The following ZNF48 variants were observed in gnomAD, a reference collection of about 807,000 sequenced individuals.
The protein encoded by ZNF48 is zinc finger protein 48.
A neutral mutation model predicts 40.0 loss-of-function variants in ZNF48; 20 were observed. That is an observed-to-expected ratio of 0.50 (90% CI 0.35 to 0.73). The LOEUF (loss-of-function observed/expected upper bound fraction) is 0.73. ZNF48 is among the 30% of genes least tolerant of loss of function. The pLI, the probability that ZNF48 is intolerant of heterozygous loss-of-function variation, is 0.01. For synonymous variants in ZNF48, 298 were observed against 329.7 expected (o/e 0.90, Z 1.04); for missense variants, 726 against 851.9 (o/e 0.85, Z 1.84).
chr16:30,391,035 G>A (rs1397890952), upstream of ZNF48, among the ~76,000 whole-genome samples: 2 of 151,950 alleles, frequency 1.3e-5, no homozygotes, highest in Admixed American at 6.6e-5. Flanking sequence ...CACTGCGCCC[G>A]GCCGAATAAA....
At chr16:30,389,724 G>C (rs185445476) in intron 1 of ZNF48, among the ~76,000 whole-genome samples, 53 of 147,710 alleles carry the variant, frequency 3.6e-4, no homozygotes, top group African/African-American at 1.2e-3. Flanking sequence ...TGTTTGCTTT[G>C]ACAAAGGAAG....
At chr16:30,394,342 C>G (rs553822810), upstream of ZNF48, among the ~76,000 whole-genome samples, 7 of 152,298 alleles carry the variant, frequency 4.6e-5, no homozygotes, top group South Asian at 2.1e-4. Context: ...CAGTTACCCC[C>G]ACCATCATTG....
intron 1 of ZNF48, chr16:30,378,714 G>T: frequency 6.2e-7 from 1 of 1,604,202 alleles, no homozygotes; most frequent in Non-Finnish European, 8.5e-7. Context: ...CGGGACAGTG[G>T]GAAGGGGACA....
In ZNF48 at chr16:30,398,062, A is replaced by G. The variant is rs776018500; in HGVS notation, c.812A>G (p.Gln271Arg). The G allele has an allele frequency of 6.2e-7, 1 of 1,612,670 alleles. No homozygotes were observed. The highest frequency in any genetic ancestry group is 2.2e-5 in the East Asian group (1 of 44,872). Residue 271 changes from glutamine to arginine, a missense_variant, in exon 3 of 3, where the codon CAG (glutamine) becomes CGG (arginine). Gln to Arg is a conservative substitution (Grantham distance 43). Around this residue, in one of 5 missense-constraint regions of ZNF48, gnomAD observed 378 missense variants for 449.1 expected, o/e 0.84. Coordinates refer to ENST00000613509, the MANE Select transcript of ZNF48 (RefSeq NM_001214909.2). The surrounding 1 kb of genome is among the most constrained non-coding windows in gnomAD (Gnocchi z 6.6). ...ATAATQGPKAQDKPYICTDCG... is the reference protein window; with the variant it reads ...ATAATQGPKARDKPYICTDCG... ...GCAGCTACCCAGGGACCGAAGGCCCAGGACAAGCCATATATCTGCACTGAT... is the reference window on the plus strand; with the variant it reads ...GCAGCTACCCAGGGACCGAAGGCCCGGGACAAGCCATATATCTGCACTGAT...
Position 30,382,248 on chromosome 16 carries a change from G to A in ZNF48, c.-16+3838G>A, listed in dbSNP as rs766248790. 4.4e-5 allele frequency: 71 copies of A among 1,612,324 alleles called. No homozygotes were observed. In the Middle Eastern group the frequency reaches 4.9e-4, roughly 11 times the overall value. On this transcript the variant is annotated intron_variant, in intron 1 of 2. Coordinates refer to the ZNF48 transcript ENST00000528032. The surrounding 1 kb of genome is among the most constrained non-coding windows in gnomAD (Gnocchi z 4.8). ...AGGGCCTCCTAAGGACATCCCCTCC[G>A]CAGTTCCCTCTCCAAAACCCCCAGA... is the stretch of plus-strand genomic sequence containing the variant.
In ZNF48 at chr16:30,381,301, C is replaced by G; in HGVS notation, c.-16+2891C>G. ...CAGGGGGCAGAGACCCCCCAGCCCTCCCTAAATGCGCCAGCCCCCAGGATC... is the reference window on the plus strand; with the variant it reads ...CAGGGGGCAGAGACCCCCCAGCCCTGCCTAAATGCGCCAGCCCCCAGGATC... On this transcript the variant is annotated intron_variant, in intron 1 of 2. Transcript: ENST00000528032. This position sits in a 1 kb window ranked among gnomAD's most constrained non-coding sequence, Gnocchi z 4.3. 1 of 1,610,664 alleles carries G rather than the reference C, an allele frequency of 6.2e-7. No individual in the cohort carries two copies. The highest frequency in any genetic ancestry group is 8.5e-7 in the Non-Finnish European group (1 of 1,177,298).
upstream of ZNF48, among the ~76,000 whole-genome samples, chr16:30,391,933 G>A (rs532525007): frequency 3.0e-4 from 45 of 152,110 alleles, no homozygotes; most frequent in Non-Finnish European, 5.0e-4. Flanking sequence ...CACCTCCCGC[G>A]CCCAAGAGAT....
chr16:30,394,557 CTT>C, upstream of ZNF48: 1 of 152,612 alleles, frequency 6.6e-6, no homozygotes, highest in South Asian at 2.1e-4. Flanking sequence ...TGTCCGGAGT[CTT>C]TCTGGCCGCC....
Position 30,399,086 on chromosome 16 carries a change from G to T in ZNF48, c.1836G>T (p.Glu612Asp). The change falls in exon 3 of 3, where the codon GAG becomes GAT. Residue 612 changes from glutamate to aspartate, a missense_variant. Around this residue, in one of 5 missense-constraint regions of ZNF48, gnomAD observed 166 missense variants for 163.6 expected, o/e 1.01. Transcript: ENST00000613509. ...GDGRARPLKQ[E>D]AATGLE Reference sequence around the variant, plus strand: ...GTAGGGCAAGGCCCCTCAAGCAGGAGGCAGCAACAGGACTGGAATGACGCG... The same window carrying T: ...GTAGGGCAAGGCCCCTCAAGCAGGATGCAGCAACAGGACTGGAATGACGCG... The T allele has an allele frequency of 6.3e-7, 1 of 1,595,450 alleles. No homozygotes were observed. Among genetic ancestry groups the T allele is most frequent in the Non-Finnish European group, 8.5e-7 (1 of 1,170,342 alleles).
At position 30,381,928 on chromosome 16, in the gene ZNF48, C is replaced by T; in HGVS notation, c.-16+3518C>T. ...TCAGGGATCCGGGGAGGCTCTGAGG[C>T]AGAATTAATTTCCTTTGTCAATATC... is the stretch of plus-strand genomic sequence containing the variant. On this transcript the variant is annotated intron_variant, in intron 1 of 2. Transcript: ENST00000528032. The surrounding 1 kb of genome is among the most constrained non-coding windows in gnomAD (Gnocchi z 4.3). 6.2e-7 allele frequency: 1 copy of T among 1,611,250 alleles called. No homozygotes were observed. The highest frequency in any genetic ancestry group is 8.5e-7 in the Non-Finnish European group (1 of 1,178,712).
rs757884256 is a variant in ZNF48 at position 30,397,412 on chromosome 16, A to T, written c.162A>T (p.Glu54Asp). 1 of 1,614,116 alleles carries T rather than the reference A, an allele frequency of 6.2e-7. No homozygotes were observed. ...PQEDDLGFKE[E>D]DLAPDHEVGN... is the part of the protein sequence containing the mutation. ...AAGATGACTTGGGGTTCAAGGAAGAAGATTTGGCTCCAGATCATGAAGTAG... is the reference window on the plus strand; with the variant it reads ...AAGATGACTTGGGGTTCAAGGAAGATGATTTGGCTCCAGATCATGAAGTAG... Residue 54 changes from glutamate to aspartate, a missense_variant, in exon 3 of 3, where the codon GAA becomes GAT. By Grantham distance (45) the Glu-to-Asp change is conservative. Transcript: ENST00000613509. This position sits in a 1 kb window ranked among gnomAD's most constrained non-coding sequence, Gnocchi z 4.1.
At chr16:30,396,444 A>G (rs184698694) in intron 2 of ZNF48, among the ~76,000 whole-genome samples, 4 of 152,194 alleles carry the variant, frequency 2.6e-5, no homozygotes, top group Admixed American at 2.6e-4. Flanking sequence ...TGCACCCACA[A>G]TTATAACCAT....
Position 30,382,073 on chromosome 16 carries a change from G to A in ZNF48, c.-16+3663G>A. 2 of 1,576,902 alleles carry A rather than the reference G, an allele frequency of 1.3e-6. No homozygotes were observed. The highest frequency in any genetic ancestry group is 1.7e-6 in the Non-Finnish European group (2 of 1,160,638). The stretch of plus-strand genomic sequence containing the variant: ...CTGGGGACAGGGGCTACTGCCTCAA[G>A]AGGGTGGGGAGGGTCTTACCACTGG... On this transcript the variant is annotated intron_variant, in intron 1 of 2. Transcript: ENST00000528032. The surrounding 1 kb of genome is among the most constrained non-coding windows in gnomAD (Gnocchi z 4.8).
chr16:30,385,609 G>A (rs556591363), intron 1 of ZNF48, among the ~76,000 whole-genome samples: 6 of 151,932 alleles, frequency 3.9e-5, no homozygotes, highest in Admixed American at 1.3e-4. Flanking sequence ...TGGCGACAGA[G>A]CAAGACTCTG....
chr16:30,395,571 C>T lies in ZNF48; in HGVS notation c.-23C>T. The T allele has an allele frequency of 1.3e-5, 3 of 234,864 alleles. No homozygotes were observed. The highest frequency in any genetic ancestry group is 2.3e-5 in the African/African-American group (1 of 42,656). 14.5% of individuals were successfully genotyped at this position (234,864 alleles called of 1,614,324 possible). On this transcript the variant is annotated 5_prime_UTR_variant, in exon 1 of 3. Coordinates refer to ENST00000613509, the MANE Select transcript of ZNF48 (RefSeq NM_001214909.2). This position sits in a 1 kb window ranked among gnomAD's most constrained non-coding sequence, Gnocchi z 5.9. ...GCCGGGGTGGCGGAGCCGGAGGCGGCCGGCAAGGTGAGAGCGGCGGCTGCG... is the reference window on the plus strand; with the variant it reads ...GCCGGGGTGGCGGAGCCGGAGGCGGTCGGCAAGGTGAGAGCGGCGGCTGCG...
In ZNF48 at chr16:30,382,528, G is replaced by T; in HGVS notation, c.-16+4118G>T. 1.3e-6 allele frequency: 2 copies of T among 1,590,144 alleles called. No homozygotes were observed. The highest frequency in any genetic ancestry group is 2.3e-5 in the South Asian group (2 of 87,840). On this transcript the variant is annotated intron_variant, in intron 1 of 2. Transcript: ENST00000528032. This position sits in a 1 kb window ranked among gnomAD's most constrained non-coding sequence, Gnocchi z 4.8. ...GTTTCTGGGTGTAAGGACTCACCAT[G>T]ACTCCGCCAGCCATCACTGCACCTG... is the stretch of plus-strand genomic sequence containing the variant.
In ZNF48 at chr16:30,381,860, T is replaced by A. The variant is rs776374131; in HGVS notation, c.-16+3450T>A. The A allele has an allele frequency of 2.8e-5, 46 of 1,614,096 alleles. No homozygotes were observed. Among genetic ancestry groups the A allele is most frequent in the Non-Finnish European group, 3.8e-5 (45 of 1,179,998 alleles). On this transcript the variant is annotated intron_variant, in intron 1 of 2. Coordinates refer to the ZNF48 transcript ENST00000528032. The surrounding 1 kb of genome is among the most constrained non-coding windows in gnomAD (Gnocchi z 4.3). ...TCAATCTCTACGCCCCGGCGCTCAA[T>A]GGCCAGGGTCTGTGTCAAGCGAGCT...
Position 30,398,036 on chromosome 16 carries a change from G to A in ZNF48, c.786G>A (p.Thr262=), listed in dbSNP as rs149675148. 25 of 1,612,432 alleles carry A rather than the reference G, an allele frequency of 1.6e-5. No homozygotes were observed. The African/African-American group carries it at 2.1e-4, about 14-fold the overall frequency. ...GACGGCAGCCATCTCGGGCAGCCAC[G>A]GCAGCTACCCAGGGACCGAAGGCCC... The part of the protein sequence containing the change: ...VPRRQPSRAA[T]AATQGPKAQD... The change falls in exon 3 of 3, where the codon ACG becomes ACA. Residue 262 remains threonine (T), a synonymous_variant. Coordinates refer to ENST00000613509, the MANE Select transcript of ZNF48 (RefSeq NM_001214909.2). The surrounding 1 kb of genome is among the most constrained non-coding windows in gnomAD (Gnocchi z 6.6).
intron 1 of ZNF48, chr16:30,378,543 C>T (rs753751956): frequency 1.9e-5 from 31 of 1,600,218 alleles, no homozygotes; most frequent in Non-Finnish European, 2.4e-5. Context: ...AGATTGCAGG[C>T]GGTGACCTGG....
Sources: allele counts gnomAD v4.1 joint callset (sites outside exome capture counted in the v4.1 genomes callset), GRCh38; gene constraint gnomAD v4.1.1; regional missense constraint gnomAD v4.1.1; non-coding constraint Gnocchi (gnomAD v3.1); transcripts MANE v1.5; gene names NCBI Gene and HGNC (gene_info 2026-07-23, HGNC 2026-07-21).